The following NXPE4 variants were observed in gnomAD, a reference collection of about 807,000 sequenced individuals.
NXPE4 encodes the protein neurexophilin and PC-esterase domain family member 4.
In NXPE4, 42 loss-of-function variants were observed where a neutral mutation model predicts 33.3. That is an observed-to-expected ratio of 1.26 (90% confidence interval 0.98 to 1.63). NXPE4 has a LOEUF of 1.63. NXPE4 is among the 40% of genes most tolerant of loss of function. The probability of loss-of-function intolerance (pLI) is 0.00; values close to 1 mark genes in which losing one functional copy is unlikely to be tolerated. For missense variants in NXPE4, 709 were observed against 647.6 expected, an observed-to-expected ratio of 1.09 and a Z score of -1.03; for synonymous variants, 253 against 234.9, an observed-to-expected ratio of 1.08 and a Z score of -0.71.
intron 2 of NXPE4, chr11:114,583,919 G>T: frequency 2.5e-6 from 1 of 393,118 alleles, no homozygotes; most frequent in South Asian, 2.1e-5. Flanking sequence ...CAGATATTAT[G>T]CTATTAACTA....
At chr11:114,587,152 CCTT>C (rs773285699) in intron 2 of NXPE4, among the ~76,000 whole-genome samples, 2 of 152,124 alleles carry the variant, frequency 1.3e-5, no homozygotes, top group Non-Finnish European at 2.9e-5. Flanking sequence ...GCTTTATGCT[CCTT>C]CTTTGAACAA....
At chr11:114,658,694 G>A in the NXPE4 span, among the ~76,000 whole-genome samples, 2,583 of 152,250 alleles carry the variant, frequency 0.017, 79 homozygotes, top group African/African-American at 0.056. Context: ...GCAGAAAACC[G>A]TCCTGGGGAG....
Position 114,582,404 on chromosome 11 carries a change from T to C in NXPE4, c.714A>G (p.Gln238=), listed in dbSNP as rs1315950767. ...ELCQYLDNRD[Q]EGFYCVRPQH... ...GAGGCCTCACACAGTAGAAGCCTTC[T>C]TGGTCTCTGTTGTCCAGGTACTGGC... Residue 238 remains glutamine, a synonymous_variant, in exon 3 of 6, where the codon CAA becomes CAG. Transcript: ENST00000375478. 1.2e-6 allele frequency: 2 copies of C among 1,614,092 alleles called. No homozygotes were observed. The highest frequency in any genetic ancestry group is 1.3e-5 in the African/African-American group (1 of 74,942).
Position 114,582,422 on chromosome 11 carries a change from G to T in NXPE4, c.696C>A (p.Tyr232Ter), listed in dbSNP as rs766649665. 1 of 1,614,158 alleles carries T rather than the reference G, an allele frequency of 6.2e-7. No homozygotes were observed. The highest frequency in any genetic ancestry group is 8.5e-7 in the Non-Finnish European group (1 of 1,179,994). Residue 232 changes from tyrosine to a stop codon, truncating the protein, a stop_gained, in exon 3 of 6, where the codon TAC becomes TAA. Transcript: ENST00000375478. LOFTEE classifies it high-confidence loss of function. The part of the protein sequence containing the change: ...ILNTNAELCQ[Y>*]LDNRDQEGFY... Reference sequence around the variant, plus strand: ...AGCCTTCTTGGTCTCTGTTGTCCAGGTACTGGCACAATTCAGCATTTGTGT... The same window carrying T: ...AGCCTTCTTGGTCTCTGTTGTCCAGTTACTGGCACAATTCAGCATTTGTGT...
chr11:114,620,599 C>A, the NXPE4 span, among the ~76,000 whole-genome samples: 5 of 151,992 alleles, frequency 3.3e-5, no homozygotes, highest in Non-Finnish European at 7.4e-5. Flanking sequence ...TCTAGGGTAA[C>A]CACTGTTACG....
rs541262871 is a variant in NXPE4, at chr11:114,577,292, C to T, written c.1099+2840G>A. On this transcript the variant is annotated intron_variant, in intron 5 of 5. Transcript: ENST00000375478. ...GAGGCTATTATTCTAAGTGAAGTAA[C>T]TCAGGAATGGAAAACCAAGCATCGT... 2.0e-5 allele frequency among the ~76,000 whole-genome samples: 3 copies of T among 151,402 alleles called. No homozygotes were observed. The South Asian group carries it at 6.3e-4, about 32-fold the overall frequency.
the NXPE4 span, among the ~76,000 whole-genome samples, chr11:114,670,893 G>T: frequency 1.3e-5 from 2 of 151,504 alleles, no homozygotes; most frequent in African/African-American, 2.4e-5. Flanking sequence ...CTCTGAGAGG[G>T]CCAAGTTGTC....
chr11:114,645,846 T>A, the NXPE4 span, among the ~76,000 whole-genome samples: 1 of 152,184 alleles, frequency 6.6e-6, no homozygotes, highest in Non-Finnish European at 1.5e-5. Flanking sequence ...AGGCCAAATT[T>A]GAGAGTATAA....
the NXPE4 span, among the ~76,000 whole-genome samples, chr11:114,607,669 T>G: frequency 2.0e-5 from 3 of 151,696 alleles, no homozygotes; most frequent in Non-Finnish European, 2.9e-5. Context: ...CAGTGGATAA[T>G]AAGTGTTGAG....
At chr11:114,675,179 A>G in the NXPE4 span, among the ~76,000 whole-genome samples, 1 of 151,966 alleles carries the variant, frequency 6.6e-6, no homozygotes, top group South Asian at 2.1e-4. Context: ...AATAAACACT[A>G]TATATGACAA....
chr11:114,603,000 A>T, the NXPE4 span, among the ~76,000 whole-genome samples: 1 of 151,114 alleles, frequency 6.6e-6, no homozygotes, highest in Non-Finnish European at 1.5e-5. Flanking sequence ...ATAATTACAG[A>T]ATCATATATA....
the NXPE4 span, among the ~76,000 whole-genome samples, chr11:114,605,484 C>G: frequency 1.9e-4 from 29 of 151,530 alleles, no homozygotes; most frequent in Non-Finnish European, 2.6e-4. Context: ...CCACAGTTAC[C>G]CGGTGGATAA....
At chr11:114,634,733 T>C in the NXPE4 span, among the ~76,000 whole-genome samples, 1 of 152,160 alleles carries the variant, frequency 6.6e-6, no homozygotes, top group African/African-American at 2.4e-5. Flanking sequence ...ACTTTCCCCA[T>C]TGCTTGTTTT....
the NXPE4 span, among the ~76,000 whole-genome samples, chr11:114,650,464 A>G: frequency 8.5e-5 from 13 of 152,296 alleles, no homozygotes; most frequent in East Asian, 2.5e-3. Context: ...GCAGGCATGA[A>G]GGAAGTAATT....
chr11:114,639,754 A>G, the NXPE4 span, among the ~76,000 whole-genome samples: 8 of 129,898 alleles, frequency 6.2e-5, no homozygotes, highest in African/African-American at 2.3e-4. Flanking sequence ...TATAATATAT[A>G]TTATATTAAA....
At chr11:114,603,080 A>G in the NXPE4 span, among the ~76,000 whole-genome samples, 2 of 151,856 alleles carry the variant, frequency 1.3e-5, no homozygotes, top group Admixed American at 1.3e-4. Context: ...ATTATTACCT[A>G]GTGGATAATA....
the NXPE4 span, among the ~76,000 whole-genome samples, chr11:114,615,807 T>G: frequency 6.6e-6 from 1 of 151,692 alleles, no homozygotes; most frequent in African/African-American, 2.4e-5. Context: ...TAATAAGTAT[T>G]GCATCCTGGG....
the NXPE4 span, among the ~76,000 whole-genome samples, chr11:114,644,537 C>A: frequency 5.3e-5 from 8 of 151,832 alleles, no homozygotes; most frequent in African/African-American, 1.9e-4. Flanking sequence ...AGAAAAATAT[C>A]CTATTTGCTA....
chr11:114,630,088 C>T, the NXPE4 span, among the ~76,000 whole-genome samples: 1 of 151,580 alleles, frequency 6.6e-6, no homozygotes. Context: ...TGAAAATGGC[C>T]ATACTGCCCA....
Sources: allele counts gnomAD v4.1 joint callset (sites outside exome capture counted in the v4.1 genomes callset), GRCh38; gene constraint gnomAD v4.1.1; transcripts MANE v1.5; gene names NCBI Gene and HGNC (gene_info 2026-07-23, HGNC 2026-07-21).